Variants in MNAT1 observed in about 807,000 individuals in gnomAD.
The protein encoded by MNAT1 is CDK-activating kinase assembly factor MAT1.
Under a neutral mutation model 42.0 loss-of-function variants are expected in MNAT1, and 43 were observed. That is an observed-to-expected ratio of 1.02 (90% CI 0.80 to 1.32). MNAT1 has a LOEUF of 1.32. Among genes scored for constraint, MNAT1 ranks in the 40% most tolerant of loss-of-function variants. The pLI, the probability that MNAT1 is intolerant of heterozygous loss-of-function variation, is 0.00. For synonymous variants in MNAT1, 118 were observed against 120.0 expected, an observed-to-expected ratio of 0.98 and a Z score of 0.11; for missense variants, 306 against 350.4, an observed-to-expected ratio of 0.87 and a Z score of 1.01.
intron 1 of MNAT1, among the ~76,000 whole-genome samples, chr14:60,739,125 T>G (rs533839037): frequency 6.6e-6 from 1 of 152,090 alleles, no homozygotes; most frequent in Non-Finnish European, 1.5e-5. Flanking sequence ...GGGCTACTTA[T>G]GACGTGGCTT....
At chr14:60,853,006 T>G (rs1048761794) in intron 6 of MNAT1, among the ~76,000 whole-genome samples, 3 of 152,208 alleles carry the variant, frequency 2.0e-5, no homozygotes, top group African/African-American at 7.2e-5. Context: ...TTCTTTTTGC[T>G]TAGGATTGTC....
At chr14:60,952,876 T>C (rs939237390) in intron 7 of MNAT1, among the ~76,000 whole-genome samples, 1 of 151,490 alleles carries the variant, frequency 6.6e-6, no homozygotes, top group East Asian at 1.9e-4. Flanking sequence ...AAGAAGAAAA[T>C]TAGTAATTAG....
chr14:60,946,652 G>A (rs748288648), intron 7 of MNAT1, among the ~76,000 whole-genome samples: 8 of 151,858 alleles, frequency 5.3e-5, no homozygotes, highest in Non-Finnish European at 8.8e-5. Flanking sequence ...CACTAATTGA[G>A]TACCTGTGTG....
At chr14:60,874,905 A>T (rs796852531) in intron 6 of MNAT1, among the ~76,000 whole-genome samples, 169 of 152,288 alleles carry the variant, frequency 1.1e-3, no homozygotes, top group African/African-American at 4.0e-3. Flanking sequence ...TTAAAAATTT[A>T]AAAAACATAT....
intron 7 of MNAT1, among the ~76,000 whole-genome samples, chr14:60,893,048 A>G (rs1024184554): frequency 2.0e-5 from 3 of 152,238 alleles, no homozygotes; most frequent in African/African-American, 7.2e-5. Flanking sequence ...TTTAAAAAAG[A>G]TATTAGTCTC....
intron 1 of MNAT1, among the ~76,000 whole-genome samples, chr14:60,792,548 C>T (rs2031861528): frequency 6.6e-6 from 1 of 152,078 alleles, no homozygotes; most frequent in Non-Finnish European, 1.5e-5. Flanking sequence ...AGCCAAGGAG[C>T]TAACGAAGAA....
intron 7 of MNAT1, among the ~76,000 whole-genome samples, chr14:60,910,318 C>G (rs966532854): frequency 1.3e-5 from 2 of 152,148 alleles, no homozygotes; most frequent in Non-Finnish European, 2.9e-5. Context: ...CCTTTTATTT[C>G]CTTCTCCTGC....
In MNAT1 at chr14:60,848,681, A is replaced by C. The variant is rs560830110; in HGVS notation, c.687+29834A>C. Among the ~76,000 whole-genome samples, 22 of 152,224 alleles carry C rather than the reference A, an allele frequency of 1.4e-4. 1 individual carries two copies. In the South Asian group the frequency reaches 4.6e-3, roughly 32 times the overall value. ...TTTTCTTGCTTCATGGGATTTCATA[A>C]ACATATCCCCTATAGATGTATTTAC... On this transcript the variant is annotated intron_variant, in intron 6 of 7. Coordinates refer to ENST00000261245, the MANE Select transcript of MNAT1 (RefSeq NM_002431.4).
chr14:60,771,535 T>C (rs2031055591), intron 1 of MNAT1, among the ~76,000 whole-genome samples: 1 of 152,196 alleles, frequency 6.6e-6, no homozygotes, highest in Non-Finnish European at 1.5e-5. Context: ...GCCACTTCTG[T>C]ATTCTAAACT....
chr14:60,745,650 CAA>C (rs1241639401), intron 1 of MNAT1, among the ~76,000 whole-genome samples: 1 of 152,126 alleles, frequency 6.6e-6, no homozygotes, highest in Admixed American at 6.5e-5. Context: ...CTCCTGGACT[CAA>C]GAGATCTGCC....
At chr14:60,943,048 G>T (rs1292539169) in intron 7 of MNAT1, among the ~76,000 whole-genome samples, 13 of 53,376 alleles carry the variant, frequency 2.4e-4, no homozygotes, top group East Asian at 4.7e-4. Flanking sequence ...GTGTGTGTGT[G>T]TGCGCTTTTT....
intron 1 of MNAT1, among the ~76,000 whole-genome samples, chr14:60,755,333 G>C (rs894374353): frequency 6.6e-6 from 1 of 152,100 alleles, no homozygotes; most frequent in African/African-American, 2.4e-5. Flanking sequence ...TAGTGGAGAC[G>C]GGGTTTCACC....
chr14:60,796,055 A>G (rs1194154293), intron 1 of MNAT1, among the ~76,000 whole-genome samples, 162 bp from the exon 2 acceptor site: 1 of 152,220 alleles, frequency 6.6e-6, no homozygotes, highest in African/African-American at 2.4e-5. Flanking sequence ...AGTAAGCTCC[A>G]AATGAAAAAG....
intron 7 of MNAT1, among the ~76,000 whole-genome samples, chr14:60,895,302 T>G (rs1454264789): frequency 6.6e-6 from 1 of 152,230 alleles, no homozygotes; most frequent in Non-Finnish European, 1.5e-5. Flanking sequence ...ACTAAATTTT[T>G]AGAAACATTT....
chr14:60,760,193 T>C (rs566768074), intron 1 of MNAT1, among the ~76,000 whole-genome samples: 1 of 151,642 alleles, frequency 6.6e-6, no homozygotes, highest in East Asian at 1.9e-4. Context: ...TACCTTTACC[T>C]TTTTTTTTCA....
At chr14:60,944,735 C>G (rs969420734) in intron 7 of MNAT1, among the ~76,000 whole-genome samples, 4 of 152,108 alleles carry the variant, frequency 2.6e-5, no homozygotes, top group Non-Finnish European at 5.9e-5. Context: ...ACTTATAAAA[C>G]TTCAAATTGT....
At chr14:60,884,040 G>A (rs2034608009) in intron 7 of MNAT1, among the ~76,000 whole-genome samples, 1 of 149,934 alleles carries the variant, frequency 6.7e-6, no homozygotes, top group Non-Finnish European at 1.5e-5. Context: ...ACTCCTTTCT[G>A]CTTTGGATGT....
chr14:60,796,542 T>C (rs1384081805), intron 2 of MNAT1, among the ~76,000 whole-genome samples, 173 bp downstream of exon 2: 1 of 152,224 alleles, frequency 6.6e-6, no homozygotes, highest in Non-Finnish European at 1.5e-5. Flanking sequence ...AAGAAGAGCC[T>C]CTTGATTGAT....
At chr14:60,760,767 TCTC>T (rs2030566228) in intron 1 of MNAT1, among the ~76,000 whole-genome samples, 1 of 152,194 alleles carries the variant, frequency 6.6e-6, no homozygotes, top group Non-Finnish European at 1.5e-5. Context: ...GAAAAATCGT[TCTC>T]CTCTTGTCTG....
Sources: gnomAD v4.1 joint callset for allele counts (sites outside exome capture counted in the v4.1 genomes callset) on GRCh38, gnomAD v4.1.1 for gene constraint, MANE v1.5 for transcripts, NCBI Gene and HGNC (gene_info 2026-07-23, HGNC 2026-07-21) for gene names.